QTMAN: variants seen among roughly 807,000 people sequenced by gnomAD.
QTMAN encodes the protein tRNA-queuosine alpha-mannosyltransferase.
chr2:144,163,044 G>T, the QTMAN span, among the ~76,000 whole-genome samples: 1 of 151,706 alleles, frequency 6.6e-6, no homozygotes. Context: ...ATGAAAATGT[G>T]GATTTATCCA....
the QTMAN span, among the ~76,000 whole-genome samples, chr2:144,116,322 T>G: frequency 6.9e-6 from 1 of 144,850 alleles, no homozygotes; most frequent in East Asian, 2.2e-4. Flanking sequence ...GGGGAGTAGA[T>G]TTATGTGAGG....
chr2:143,963,349 A>G, the QTMAN span, among the ~76,000 whole-genome samples: 17 of 152,178 alleles, frequency 1.1e-4, no homozygotes, highest in African/African-American at 3.9e-4. Context: ...TTATTCAATT[A>G]ACTGATTTCA....
the QTMAN span, among the ~76,000 whole-genome samples, chr2:144,087,594 G>C: frequency 6.6e-6 from 1 of 151,782 alleles, no homozygotes; most frequent in African/African-American, 2.4e-5. Context: ...GAATCCAACA[G>C]CACATCAAAA....
chr2:144,238,842 A>G, the QTMAN span, among the ~76,000 whole-genome samples: 1 of 152,136 alleles, frequency 6.6e-6, no homozygotes, highest in Non-Finnish European at 1.5e-5. Flanking sequence ...TACCAAAACC[A>G]CTATTGCTAA....
the QTMAN span, chr2:144,145,509 C>A: frequency 1.6e-6 from 2 of 1,229,332 alleles, no homozygotes; most frequent in South Asian, 1.5e-5. Flanking sequence ...AGATTTAAAA[C>A]GTAACCACCT....
At chr2:143,981,348 T>C in the QTMAN span, among the ~76,000 whole-genome samples, 2 of 152,258 alleles carry the variant, frequency 1.3e-5, no homozygotes, top group East Asian at 1.9e-4. Flanking sequence ...TTTTTTTTTT[T>C]CTTAAATGGA....
At chr2:144,036,137 GAAAA>G in the QTMAN span, among the ~76,000 whole-genome samples, 1 of 152,164 alleles carries the variant, frequency 6.6e-6, no homozygotes, top group Non-Finnish European at 1.5e-5. Context: ...GACTTTATGA[GAAAA>G]ATAGTTCCAA....
chr2:144,174,792 G>A, the QTMAN span, among the ~76,000 whole-genome samples: 361 of 152,148 alleles, frequency 2.4e-3, 1 homozygote, highest in African/African-American at 7.9e-3. Context: ...TTCACCTTCC[G>A]TCATGATTAT....
At chr2:144,179,751 T>C in the QTMAN span, among the ~76,000 whole-genome samples, 2 of 152,176 alleles carry the variant, frequency 1.3e-5, no homozygotes, top group African/African-American at 4.8e-5. Flanking sequence ...TTTTCCACAT[T>C]TATTGAAAGG....
chr2:143,999,119 C>A, the QTMAN span, among the ~76,000 whole-genome samples: 2 of 151,934 alleles, frequency 1.3e-5, no homozygotes, highest in Admixed American at 6.6e-5. Flanking sequence ...CTGTCTCTGT[C>A]CTGAAAAACC....
chr2:144,000,252 T>C, the QTMAN span, among the ~76,000 whole-genome samples: 1 of 152,080 alleles, frequency 6.6e-6, no homozygotes, highest in Admixed American at 6.6e-5. Context: ...ATGGTAATTT[T>C]AGCCAGATAT....
chr2:144,106,674 A>G, the QTMAN span, among the ~76,000 whole-genome samples: 2 of 152,212 alleles, frequency 1.3e-5, no homozygotes, highest in East Asian at 1.9e-4. Flanking sequence ...TTAACACCCC[A>G]CTGTCAACAT....
At chr2:144,055,334 GACACACACACAC>G in the QTMAN span, among the ~76,000 whole-genome samples, 5 of 132,772 alleles carry the variant, frequency 3.8e-5, no homozygotes, top group Non-Finnish European at 6.7e-5. Flanking sequence ...CAGACACACA[GACACACACACAC>G]ACACACACAC....
At chr2:144,320,420 T>A in the QTMAN span, among the ~76,000 whole-genome samples, 107 of 152,328 alleles carry the variant, frequency 7.0e-4, no homozygotes, top group Non-Finnish European at 1.4e-3. Flanking sequence ...CTTCTATCCA[T>A]TCAACTAACA....
chr2:144,013,916 T>A, the QTMAN span, among the ~76,000 whole-genome samples: 1 of 152,134 alleles, frequency 6.6e-6, no homozygotes, highest in Non-Finnish European at 1.5e-5. Flanking sequence ...GTCCAATATA[T>A]CACTTATATG....
the QTMAN span, among the ~76,000 whole-genome samples, chr2:144,286,495 C>G: frequency 2.0e-5 from 3 of 152,200 alleles, no homozygotes; most frequent in East Asian, 5.8e-4. Context: ...TTTAAGCATT[C>G]TGAGCTACTT....
the QTMAN span, among the ~76,000 whole-genome samples, chr2:143,994,834 A>T: frequency 6.6e-6 from 1 of 152,198 alleles, no homozygotes; most frequent in African/African-American, 2.4e-5. Flanking sequence ...AACTCTGTAA[A>T]TTTACTAAAA....
chr2:144,029,162 C>T, the QTMAN span, among the ~76,000 whole-genome samples: 1 of 152,144 alleles, frequency 6.6e-6, no homozygotes, highest in African/African-American at 2.4e-5. Context: ...CTAATGAATG[C>T]ATCTCTTATT....
chr2:144,171,514 G>T, the QTMAN span, among the ~76,000 whole-genome samples: 5 of 152,010 alleles, frequency 3.3e-5, no homozygotes, highest in Non-Finnish European at 7.4e-5. Flanking sequence ...TCAAATTACT[G>T]TAAATGAAAA....
Sources: gnomAD v4.1 joint callset for allele counts (sites outside exome capture counted in the v4.1 genomes callset) on GRCh38, gnomAD v4.1.1 for gene constraint, MANE v1.5 for transcripts, NCBI Gene and HGNC (gene_info 2026-07-23, HGNC 2026-07-21) for gene names.